The following DCDC1 variants were observed in gnomAD, a reference collection of about 807,000 sequenced individuals.
The protein encoded by DCDC1 is doublecortin domain-containing protein 1.
A neutral mutation model predicts 178.3 loss-of-function variants in DCDC1; 200 were observed. That is an observed-to-expected ratio of 1.12 (90% CI 1.00 to 1.26). The LOEUF is 1.26. Among genes scored for constraint, DCDC1 ranks in the 50% most tolerant of loss-of-function variants. The probability of loss-of-function intolerance (pLI) is 0.00; values close to 1 mark genes in which losing one functional copy is unlikely to be tolerated. For synonymous variants in DCDC1, 690 were observed against 604.8 expected (o/e 1.14, Z -2.07); for missense variants, 1,983 against 1,749.2 (o/e 1.13, Z -2.38).
At chr11:30,892,728 G>T (rs1943891898) in intron 36 of DCDC1, 90 bp downstream of exon 36, 2 of 1,460,048 alleles carry the variant, frequency 1.4e-6, no homozygotes, top group Non-Finnish European at 1.9e-6. Context: ...GAGGTTCATA[G>T]AAGTAATTTG....
intron 20 of DCDC1, among the ~76,000 whole-genome samples, chr11:30,968,697 ATATATATATCAAAT>A (rs1209944755): frequency 7.6e-6 from 1 of 131,452 alleles, no homozygotes; most frequent in Non-Finnish European, 1.6e-5. Context: ...ATATCAAATT[ATATATATATCAAAT>A]TATATATATA....
chr11:30,900,018 G>A (rs569491673), intron 33 of DCDC1, among the ~76,000 whole-genome samples: 8 of 152,138 alleles, frequency 5.3e-5, no homozygotes, highest in Non-Finnish European at 1.0e-4. Flanking sequence ...CAGACAGGTC[G>A]TCCTCAGTGT....
intron 21 of DCDC1, among the ~76,000 whole-genome samples, chr11:30,949,176 C>T (rs562298861): frequency 6.6e-6 from 1 of 152,224 alleles, no homozygotes; most frequent in Admixed American, 6.5e-5. Context: ...CAAACAACCC[C>T]ACCAAAAAGT....
intron 1 of DCDC1, 66 bp downstream of exon 1, chr11:31,369,630 CG>C (rs1952172811): frequency 6.5e-6 from 1 of 152,796 alleles, no homozygotes; most frequent in Non-Finnish European, 1.5e-5. Flanking sequence ...GCGACAGTCG[CG>C]GGGCCCGGAA....
intron 11 of DCDC1, among the ~76,000 whole-genome samples, chr11:31,126,476 A>C (rs1961634452): frequency 6.6e-6 from 1 of 152,186 alleles, no homozygotes; most frequent in Non-Finnish European, 1.5e-5. Flanking sequence ...TCTCACTCAA[A>C]ATACACACGG....
chr11:31,292,990 C>T (rs578047211), intron 6 of DCDC1, among the ~76,000 whole-genome samples: 1 of 152,214 alleles, frequency 6.6e-6, no homozygotes, highest in South Asian at 2.1e-4. Flanking sequence ...CGTTTGAACC[C>T]TAGCTCTGTT....
At chr11:31,133,066 T>G (rs1360620091) in intron 10 of DCDC1, among the ~76,000 whole-genome samples, 2 of 152,204 alleles carry the variant, frequency 1.3e-5, no homozygotes, top group African/African-American at 2.4e-5. Flanking sequence ...GAGCAAAGTG[T>G]TATTCTGTTT....
intron 9 of DCDC1, among the ~76,000 whole-genome samples, chr11:31,159,017 CAA>C (rs1268917867): frequency 6.6e-6 from 1 of 151,080 alleles, no homozygotes; most frequent in African/African-American, 2.4e-5. Flanking sequence ...AAAAAAAATA[CAA>C]AAAAACCCCA....
chr11:31,109,949 T>G (rs145199075), intron 12 of DCDC1, among the ~76,000 whole-genome samples: 1 of 152,120 alleles, frequency 6.6e-6, no homozygotes, highest in African/African-American at 2.4e-5. Context: ...TACCCTCCAC[T>G]GAATATATCA....
At chr11:30,957,051 CCCATACACTCTGCCTGCCCTCCTGCCCT>C (rs1299668768) in intron 20 of DCDC1, among the ~76,000 whole-genome samples, 2 of 152,158 alleles carry the variant, frequency 1.3e-5, no homozygotes, top group African/African-American at 4.8e-5. Context: ...TACCTCTGTA[CCCATACACTCTGCCTGCCCTCCTGCCCT>C]CCACTATAGC....
chr11:31,229,030 C>A (rs1975396537), intron 9 of DCDC1, among the ~76,000 whole-genome samples: 1 of 151,874 alleles, frequency 6.6e-6, no homozygotes, highest in African/African-American at 2.4e-5. Flanking sequence ...TATACCCTGC[C>A]AAATGTAAAA....
intron 9 of DCDC1, among the ~76,000 whole-genome samples, chr11:31,214,466 G>A (rs1198104086): frequency 6.6e-6 from 1 of 152,124 alleles, no homozygotes; most frequent in Non-Finnish European, 1.5e-5. Context: ...CACACAGCAG[G>A]ATCTAGAGGA....
chr11:31,227,635 G>C (rs1446357036), intron 9 of DCDC1, among the ~76,000 whole-genome samples: 1 of 151,860 alleles, frequency 6.6e-6, no homozygotes, highest in Non-Finnish European at 1.5e-5. Context: ...CAAATGACAA[G>C]ATAAAATAAT....
rs1157770100 is a variant in DCDC1 at position 31,360,693 on chromosome 11, CTG to C, written c.-125+9002_-125+9003del. On this transcript the variant is annotated intron_variant, in intron 1 of 38. Transcript: ENST00000684477. ...CACTGATAAGGGAGAACTACTGTAA[CTG>C]TGTTGATTAGTGGTATGTTAGAAGT... Among the ~76,000 whole-genome samples the C allele has an allele frequency of 2.6e-5, 4 of 152,232 alleles. No homozygotes were observed. In the South Asian group the frequency reaches 8.3e-4, roughly 32 times the overall value.
rs1171618676 is a variant in DCDC1, at chr11:30,899,780, C to A, written c.4664-138G>T. On this transcript the variant is annotated intron_variant, in intron 33 of 38. Coordinates refer to ENST00000684477, the MANE Select transcript of DCDC1 (RefSeq NM_001387274.1). ...AAAAGGTAAGGGTCATTAAAAGAAACTTCATTTGAAAGATGACAGGGCTTA... is the reference window on the plus strand; with the variant it reads ...AAAAGGTAAGGGTCATTAAAAGAAAATTCATTTGAAAGATGACAGGGCTTA... 6.6e-6 allele frequency: 4 copies of A among 608,370 alleles called. No homozygotes were observed. In the East Asian group the frequency reaches 9.3e-5, roughly 14 times the overall value. 37.7% of individuals were successfully genotyped at this position (608,370 alleles called of 1,614,324 possible). A position where few individuals can be genotyped will look rare whatever the true frequency, so the allele number is the denominator to read the frequency against.
chr11:30,878,388 A>G (rs1252880327), intron 38 of DCDC1, among the ~76,000 whole-genome samples, 156 bp downstream of exon 38: 2 of 152,104 alleles, frequency 1.3e-5, no homozygotes, highest in Non-Finnish European at 2.9e-5. Flanking sequence ...CGGGAGGTCA[A>G]GGCTGCAGTA....
intron 18 of DCDC1, among the ~76,000 whole-genome samples, chr11:31,074,844 G>A (rs1157664830): frequency 6.6e-6 from 1 of 152,118 alleles, no homozygotes. Context: ...GATCATAAAG[G>A]GTGACTCTGG....
chr11:31,012,901 T>G (rs1952258594), intron 20 of DCDC1, among the ~76,000 whole-genome samples: 1 of 152,180 alleles, frequency 6.6e-6, no homozygotes, highest in African/African-American at 2.4e-5. Context: ...TAAACACTAA[T>G]TCAGAATATA....
chr11:31,079,501 CAT>C (rs1239203131), intron 17 of DCDC1, among the ~76,000 whole-genome samples: 3 of 152,110 alleles, frequency 2.0e-5, no homozygotes, highest in Non-Finnish European at 4.4e-5. Flanking sequence ...AGAATCCCGA[CAT>C]ATAGCTGGTT....
Sources: allele counts gnomAD v4.1 joint callset (sites outside exome capture counted in the v4.1 genomes callset), GRCh38; gene constraint gnomAD v4.1.1; transcripts MANE v1.5; gene names NCBI Gene and HGNC (gene_info 2026-07-23, HGNC 2026-07-21).